TMA7: variants seen among roughly 807,000 people sequenced by gnomAD.
The protein encoded by TMA7 is translation machinery-associated protein 7.
Under a neutral mutation model 12.5 loss-of-function variants are expected in TMA7, and 5 were observed. The observed-to-expected ratio is 0.40, with a 90% CI of 0.21 to 0.84. The LOEUF is 0.84. Among genes scored for constraint, TMA7 ranks in the 40% least tolerant of loss-of-function variants. The pLI is 0.36. For synonymous variants in TMA7, 36 were observed against 28.1 expected, an observed-to-expected ratio of 1.28 and a Z score of -0.89; for missense variants, 71 against 75.4, an observed-to-expected ratio of 0.94 and a Z score of 0.22.
In TMA7 at chr3:48,443,941, C is replaced by T. The variant is rs2039622598; in HGVS notation, c.*59C>T. 1 of 1,256,408 alleles carries T rather than the reference C, an allele frequency of 8.0e-7. No individual in the cohort carries two copies. Among genetic ancestry groups the T allele is most frequent in the Non-Finnish European group, 1.1e-6 (1 of 943,166 alleles). The allele number at this position is 1,256,408 out of a possible 1,614,324, so 77.8% of individuals were successfully genotyped here. A position where few individuals can be genotyped will look rare whatever the true frequency, so the allele number is the denominator to read the frequency against. ...TTATTTCATCTGTATTTAAACCTCT[C>T]TATTCCCTGCCATAACATCTTTTGC... is the stretch of plus-strand genomic sequence containing the variant. On this transcript the variant is annotated 3_prime_UTR_variant, in exon 4 of 4. Transcript: ENST00000438607.
In TMA7 at chr3:48,443,918, A is replaced by AT. The variant is rs761586507; in HGVS notation, c.*39dup. ...GTGCCTGAGGAGATGGTGACCCTTT[A>AT]TTTCATCTGTATTTAAACCTCTCTA... On this transcript the variant is annotated 3_prime_UTR_variant, in exon 4 of 4. Transcript: ENST00000438607. 1 of 1,471,122 alleles carries AT rather than the reference A, an allele frequency of 6.8e-7. No individual in the cohort carries two copies. The highest frequency in any genetic ancestry group is 2.6e-5 in the Admixed American group (1 of 38,754). 91.1% of individuals were successfully genotyped at this position (1,471,122 alleles called of 1,614,324 possible). A position where few individuals can be genotyped will look rare whatever the true frequency, so the allele number is the denominator to read the frequency against.
chr3:48,442,452 C>CT (rs904695197), intron 3 of TMA7, among the ~76,000 whole-genome samples: 2,587 of 130,722 alleles, frequency 0.02, 39 homozygotes, highest in African/African-American at 0.037. Flanking sequence ...TAACCCTACA[C>CT]TTTTTTTTTT....
At chr3:48,441,527 T>C (rs2039567642) in intron 3 of TMA7, among the ~76,000 whole-genome samples, 1 of 151,812 alleles carries the variant, frequency 6.6e-6, no homozygotes, top group South Asian at 2.1e-4. Context: ...CTCTAATATA[T>C]GCTTTTTTGC....
At chr3:48,441,506 G>A (rs1022975638) in intron 3 of TMA7, among the ~76,000 whole-genome samples, 5 of 145,762 alleles carry the variant, frequency 3.4e-5, no homozygotes, top group African/African-American at 5.1e-5. Context: ...TTTTCGTACT[G>A]CTTATATTAT....
rs774713655 is a variant in TMA7 at position 48,440,313 on chromosome 3, G to T, written c.16+1G>T. ...GCAGGCGCCATGTCCGGCCGCGAAG[G>T]TAAGTGTTCCGGAACCGTGAGGACT... On this transcript the variant is annotated splice_donor_variant, in intron 1 of 3. Transcript: ENST00000438607. LOFTEE classifies it high-confidence loss of function. 3.7e-6 allele frequency: 6 copies of T among 1,609,856 alleles called. No homozygotes were observed. Among genetic ancestry groups the T allele is most frequent in the African/African-American group, 2.7e-5 (2 of 74,898 alleles).
rs565444965 is a variant in TMA7, at chr3:48,443,717, G to A, written c.161-131G>A. The A allele has an allele frequency of 1.2e-4, 73 of 589,608 alleles. No individual in the cohort carries two copies. The East Asian group carries it at 2.4e-3, about 19-fold the overall frequency. 36.5% of individuals were successfully genotyped at this position (589,608 alleles called of 1,614,324 possible). On this transcript the variant is annotated intron_variant, in intron 3 of 3. Transcript: ENST00000438607. ...TAGAACAGACAGTATCAGTGAAGCTGCTATCCATGCTTGTGTTAAAGTGAA... is the reference window on the plus strand; with the variant it reads ...TAGAACAGACAGTATCAGTGAAGCTACTATCCATGCTTGTGTTAAAGTGAA...
chr3:48,443,208 T>C (rs1294506624), intron 3 of TMA7, among the ~76,000 whole-genome samples: 2 of 129,244 alleles, frequency 1.5e-5, no homozygotes, highest in Non-Finnish European at 3.1e-5. Context: ...ACCACCGCAG[T>C]CCAGCCTAGG....
At chr3:48,443,339 G>A (rs1049454462) in intron 3 of TMA7, among the ~76,000 whole-genome samples, 2 of 151,776 alleles carry the variant, frequency 1.3e-5, no homozygotes, top group African/African-American at 2.4e-5. Context: ...CCTGAGGTCA[G>A]GAGTTCGAGA....
In TMA7 at chr3:48,442,641, G is replaced by A. The variant is rs538400346; in HGVS notation, c.161-1207G>A. Among the ~76,000 whole-genome samples the A allele has an allele frequency of 1.4e-3, 215 of 151,694 alleles. 3 individuals carry two copies. Among genetic ancestry groups the A allele is most frequent in the African/African-American group, 5.0e-3 (209 of 41,398 alleles). Reference sequence around the variant, plus strand: ...TAATTTTTGTATTTTTAGTAGAGACGGGGTTTCACCATGTTGGCCAGGATG... The same window carrying A: ...TAATTTTTGTATTTTTAGTAGAGACAGGGTTTCACCATGTTGGCCAGGATG... On this transcript the variant is annotated intron_variant, in intron 3 of 3. Transcript: ENST00000438607.
chr3:48,443,749 A>G (rs548383797), intron 3 of TMA7, 99 bp from the exon 4 acceptor site: 2 of 933,592 alleles, frequency 2.1e-6, no homozygotes, highest in East Asian at 3.0e-5. Flanking sequence ...TGAATGCCCA[A>G]TACAAAAGCC....
Position 48,444,026 on chromosome 3 carries a change from T to G in TMA7, c.*144T>G. 4 of 626,052 alleles carry G rather than the reference T, an allele frequency of 6.4e-6. No homozygotes were observed. Among genetic ancestry groups the G allele is most frequent in the Non-Finnish European group, 2.4e-6 (1 of 417,726 alleles). 38.8% of individuals were successfully genotyped at this position (626,052 alleles called of 1,614,324 possible). On this transcript the variant is annotated 3_prime_UTR_variant, in exon 4 of 4. Transcript: ENST00000438607. ...TGTTGTACATTTAAGAATAAACTTT[T>G]GTAAAAAAAGAAAAATCTTACAGTG...
At chr3:48,441,633 C>T (rs1293234851) in intron 3 of TMA7, among the ~76,000 whole-genome samples, 1 of 152,170 alleles carries the variant, frequency 6.6e-6, no homozygotes, top group East Asian at 1.9e-4. Flanking sequence ...CTAACTGAAT[C>T]CTCCACCTTT....
At chr3:48,442,607 A>T (rs4858820) in intron 3 of TMA7, among the ~76,000 whole-genome samples, 37,609 of 151,252 alleles carry the variant, frequency 0.25, 5,528 homozygotes, top group East Asian at 0.63. Flanking sequence ...GCACACCACC[A>T]TGCCCGGCTA....
At chr3:48,443,669 C>T (rs1306477059) in intron 3 of TMA7, among the ~76,000 whole-genome samples, 179 bp from the exon 4 acceptor site, 1 of 151,970 alleles carries the variant, frequency 6.6e-6, no homozygotes, top group African/African-American at 2.4e-5. Flanking sequence ...TGTACTCCAT[C>T]TCATCCTCAT....
intron 3 of TMA7, chr3:48,441,050 C>CT (rs1411017708): frequency 1.0e-5 from 2 of 195,714 alleles, no homozygotes; most frequent in African/African-American, 5.0e-5. Flanking sequence ...GAGTCTCACT[C>CT]TGTCTCCCAG....
Position 48,444,147 on chromosome 3 carries a change from TTG to T in TMA7, c.*266_*267del, listed in dbSNP as rs2039626367. 2 of 332,306 alleles carry T rather than the reference TTG, an allele frequency of 6.0e-6. No homozygotes were observed. The highest frequency in any genetic ancestry group is 1.1e-5 in the Non-Finnish European group (2 of 184,300). The allele number at this position is 332,306 out of a possible 1,614,324, so 20.6% of individuals were successfully genotyped here. On this transcript the variant is annotated 3_prime_UTR_variant, in exon 4 of 4. Transcript: ENST00000438607. ...TCAGAATCTTGCCAGAGTCTGTTCT[TTG>T]GTCCTTGTTCTACCCTAAACTTTGT...
In TMA7 at chr3:48,440,605, A is replaced by G; in HGVS notation, c.137A>G (p.Lys46Arg). Residue 46 changes from lysine to arginine, a missense_variant, in exon 3 of 4, where the codon AAG becomes AGG. Transcript: ENST00000438607. The part of the protein sequence containing the change: ...EQKKLEELKA[K>R]AAGKGPLATG... ...AAGAAACTCGAGGAGCTAAAAGCGA[A>G]GGCCGCGGGGAAGGGGCCCTTGGGT... 6.2e-7 allele frequency: 1 copy of G among 1,611,770 alleles called. No individual in the cohort carries two copies.
At chr3:48,441,377 T>A (rs1431626178) in intron 3 of TMA7, among the ~76,000 whole-genome samples, 1 of 151,562 alleles carries the variant, frequency 6.6e-6, no homozygotes, top group Non-Finnish European at 1.5e-5. Context: ...GAGACGGAGT[T>A]TCACCATGTT....
intron 3 of TMA7, 114 bp from the exon 4 acceptor site, chr3:48,443,734 T>TA (rs780541021): frequency 2.6e-5 from 19 of 726,802 alleles, no homozygotes; most frequent in Non-Finnish European, 4.0e-5. Context: ...ATGCTTGTGT[T>TA]AAAGTGAATG....
Sources: gnomAD v4.1 joint callset for allele counts (sites outside exome capture counted in the v4.1 genomes callset) on GRCh38, gnomAD v4.1.1 for gene constraint, MANE v1.5 for transcripts, NCBI Gene and HGNC (gene_info 2026-07-23, HGNC 2026-07-21) for gene names.